Variants in THRB observed in about 807,000 individuals in gnomAD.
THRB encodes nuclear receptor subfamily 1 group A member 2.
Under a neutral mutation model 47.8 loss-of-function variants are expected in THRB, and 12 were observed. That is an observed-to-expected ratio of 0.25 (90% CI 0.16 to 0.41). THRB has a LOEUF of 0.41. Among genes scored for constraint, THRB ranks in the 10% least tolerant of loss-of-function variants. The pLI, the probability that THRB is intolerant of heterozygous loss-of-function variation, is 1.00. For missense variants in THRB, 348 were observed against 589.2 expected, an observed-to-expected ratio of 0.59 and a Z score of 4.24; for synonymous variants, 218 against 212.2, an observed-to-expected ratio of 1.03 and a Z score of -0.24.
chr3:24,219,182 T>C (rs899761786), intron 4 of THRB, among the ~76,000 whole-genome samples: 5 of 152,058 alleles, frequency 3.3e-5, no homozygotes, highest in African/African-American at 9.7e-5. Flanking sequence ...AAGGCTAAGA[T>C]GGGAGGATTA....
chr3:24,165,239 CAACCGCTGT>C (rs758668524), intron 5 of THRB: 38 of 765,012 alleles, frequency 5.0e-5, no homozygotes, highest in Non-Finnish European at 8.4e-5. Context: ...CTGAGCATCG[CAACCGCTGT>C]AACCCGGACT....
intron 3 of THRB, among the ~76,000 whole-genome samples, chr3:24,292,392 T>C (rs1248153065): frequency 6.6e-6 from 1 of 152,180 alleles, no homozygotes; most frequent in Non-Finnish European, 1.5e-5. Flanking sequence ...AAATTAAGTC[T>C]TTCAGTCCCC....
intron 3 of THRB, among the ~76,000 whole-genome samples, chr3:24,235,712 AC>A (rs745393601): frequency 3.6e-4 from 54 of 152,066 alleles, no homozygotes; most frequent in Non-Finnish European, 6.9e-4. Context: ...CTAGCCCAAG[AC>A]CATTAAAACT....
chr3:24,241,108 A>G (rs189387883), intron 3 of THRB, among the ~76,000 whole-genome samples: 1 of 152,296 alleles, frequency 6.6e-6, no homozygotes, highest in African/African-American at 2.4e-5. Context: ...CAAAACGGCA[A>G]TGAGACACAA....
At chr3:24,436,991 G>C (rs1334375893) in intron 1 of THRB, among the ~76,000 whole-genome samples, 1 of 151,816 alleles carries the variant, frequency 6.6e-6, no homozygotes, top group Non-Finnish European at 1.5e-5. Context: ...ACGCAAAAGA[G>C]ATCATCCAGT....
chr3:24,234,367 GT>G (rs1201425346), intron 3 of THRB, among the ~76,000 whole-genome samples: 4 of 152,158 alleles, frequency 2.6e-5, no homozygotes, highest in Non-Finnish European at 4.4e-5. Flanking sequence ...AAAGATATAA[GT>G]TGATGTAAAT....
chr3:24,184,436 G>A (rs1029431011), intron 5 of THRB, among the ~76,000 whole-genome samples: 3 of 152,178 alleles, frequency 2.0e-5, no homozygotes, highest in Non-Finnish European at 2.9e-5. Context: ...CCTCTGCTCT[G>A]TGTGCATCTC....
chr3:24,484,920 T>C (rs2125910664), intron 1 of THRB, among the ~76,000 whole-genome samples: 2 of 152,356 alleles, frequency 1.3e-5, no homozygotes, highest in African/African-American at 4.8e-5. Context: ...GTCCAGAATA[T>C]TTTTATTCTT....
At chr3:24,276,789 T>C (rs1192370402) in intron 3 of THRB, among the ~76,000 whole-genome samples, 1 of 151,730 alleles carries the variant, frequency 6.6e-6, no homozygotes, top group Non-Finnish European at 1.5e-5. Context: ...CTGCTGGGAG[T>C]GGGTAGGGGA....
In THRB at chr3:24,297,544, T is replaced by G. The variant is rs144481400; in HGVS notation, c.-188-173A>C. Among the ~76,000 whole-genome samples, 104 of 152,308 alleles carry G rather than the reference T, an allele frequency of 6.8e-4. 1 individual carries two copies. Among genetic ancestry groups the G allele is most frequent in the African/African-American group, 2.5e-3 (103 of 41,558 alleles). ...GCCCTATAAACAAATGCATACTCAT[T>G]ACAGAAACATATAGTAAGCACTTGC... On this transcript the variant is annotated intron_variant, in intron 2 of 10. Transcript: ENST00000646209.
chr3:24,465,491 C>A (rs1261836408), intron 1 of THRB, among the ~76,000 whole-genome samples: 1 of 152,122 alleles, frequency 6.6e-6, no homozygotes, highest in Admixed American at 6.5e-5. Context: ...CAACCTCCAA[C>A]TCCTGGGTTC....
chr3:24,233,597 A>C (rs2048535752), intron 3 of THRB, among the ~76,000 whole-genome samples: 1 of 150,816 alleles, frequency 6.6e-6, no homozygotes, highest in African/African-American at 2.5e-5. Flanking sequence ...GAAAGAAAGA[A>C]AGAAAGAAAG....
At chr3:24,135,842 TA>T (rs1559422396) in intron 8 of THRB, among the ~76,000 whole-genome samples, 11 of 123,366 alleles carry the variant, frequency 8.9e-5, no homozygotes, top group African/African-American at 3.1e-4. Context: ...TATATATATA[TA>T]TATAATACAT....
intron 1 of THRB, among the ~76,000 whole-genome samples, chr3:24,490,186 T>C (rs757981388): frequency 5.3e-5 from 8 of 152,178 alleles, no homozygotes; most frequent in African/African-American, 1.4e-4. Context: ...GCCAGGTACA[T>C]AGTAGATACA....
chr3:24,306,551 T>C lies in THRB; in HGVS notation c.-188-9180A>G, dbSNP rs192148005. ...TATTCTTTGTATTTTCCTGCATGTA[T>C]CTGGCTAAAATCGACTCTAGGAATG... On this transcript the variant is annotated intron_variant, in intron 2 of 10. Coordinates refer to ENST00000646209, the MANE Select transcript of THRB (RefSeq NM_001354712.2). 5.5e-3 allele frequency among the ~76,000 whole-genome samples: 835 copies of C among 152,274 alleles called. 5 individuals are homozygous for C. Among genetic ancestry groups the C allele is most frequent in the African/African-American group, 0.019 (791 of 41,566 alleles).
intron 1 of THRB, among the ~76,000 whole-genome samples, chr3:24,489,954 TTGAG>T (rs1191751466): frequency 6.6e-6 from 1 of 152,212 alleles, no homozygotes; most frequent in Non-Finnish European, 1.5e-5. Context: ...CAAGAGATTC[TTGAG>T]TGAATCTCAC....
intron 1 of THRB, among the ~76,000 whole-genome samples, chr3:24,450,253 C>T (rs2043581): frequency 1.3e-5 from 2 of 151,920 alleles, no homozygotes; most frequent in Non-Finnish European, 2.9e-5. Context: ...TGTATTTATT[C>T]TTGGGAAATA....
chr3:24,253,865 T>C (rs1018806268), intron 3 of THRB, among the ~76,000 whole-genome samples: 5 of 151,958 alleles, frequency 3.3e-5, no homozygotes, highest in African/African-American at 1.2e-4. Context: ...GTAAGCCCTG[T>C]CATCTTATGA....
intron 1 of THRB, among the ~76,000 whole-genome samples, chr3:24,402,497 T>TC (rs2067489840): frequency 4.3e-5 from 2 of 46,570 alleles, no homozygotes; most frequent in Admixed American, 3.5e-4. Flanking sequence ...CCTTCTTTCT[T>TC]CCTTTTTTTT....
Sources: allele counts gnomAD v4.1 joint callset (sites outside exome capture counted in the v4.1 genomes callset), GRCh38; gene constraint gnomAD v4.1.1; transcripts MANE v1.5; gene names NCBI Gene and HGNC (gene_info 2026-07-23, HGNC 2026-07-21).